Variants in CEP295NL observed in about 807,000 individuals in gnomAD.
The protein encoded by CEP295NL is CEP295 N-terminal like.
CEP295NL carries 3 observed loss-of-function variants against 4.6 expected under a neutral mutation model. The observed-to-expected ratio is 0.65, with a 90% CI of 0.30 to 1.69. CEP295NL has a LOEUF of 1.69. CEP295NL is among the 40% of genes most tolerant of loss of function. CEP295NL has a pLI of 0.10. For missense variants in CEP295NL, 719 were observed against 769.0 expected, an observed-to-expected ratio of 0.93 and a Z score of 0.77; for synonymous variants, 295 against 312.2, an observed-to-expected ratio of 0.94 and a Z score of 0.58.
chr17:78,899,615 C>T (rs1321019079), intron 2 of CEP295NL: 1 of 152,254 alleles, frequency 6.6e-6, no homozygotes, highest in Non-Finnish European at 1.5e-5. Context: ...GCCCTGGCTC[C>T]CCTGGGAGCC....
At chr17:78,903,014 T>C (rs1332950359) in intron 1 of CEP295NL, 120 bp downstream of exon 1, 1 of 152,344 alleles carries the variant, frequency 6.6e-6, no homozygotes, top group African/African-American at 2.4e-5. Flanking sequence ...TGGCCCACTC[T>C]CCGGGGCCCT....
At chr17:78,894,202 G>C (rs1368153570) in intron 2 of CEP295NL, among the ~76,000 whole-genome samples, 1 of 145,968 alleles carries the variant, frequency 6.9e-6, no homozygotes, top group Non-Finnish European at 1.5e-5. Flanking sequence ...TACCCCCCCC[G>C]GTTCACAGAC....
rs556240534 is a variant in CEP295NL at position 78,892,452 on chromosome 17, C to T, written c.52G>A (p.Val18Met). 5.8e-6 allele frequency: 9 copies of T among 1,547,674 alleles called. No individual in the cohort carries two copies. The South Asian group carries it at 9.5e-5, about 16-fold the overall frequency. ...GAGCCACAGAAGCCACAACGTTCCA[C>T]AGCAAACCTACGAGGAAGGGAGCAC... ...SVIWRHTQFAVERCGFCGSSG... is the reference protein window; with the variant it reads ...SVIWRHTQFAMERCGFCGSSG... Residue 18 changes from valine (V) to methionine (M), a missense_variant, in exon 3 of 3, where the codon GTG (valine) becomes ATG (methionine). Val to Met is a conservative substitution (Grantham distance 21). Coordinates refer to ENST00000322630, the MANE Select transcript of CEP295NL (RefSeq NM_001243540.2).
chr17:78,892,542 T>A, intron 2 of CEP295NL, 83 bp from the exon 3 acceptor site: 17 of 1,467,812 alleles, frequency 1.2e-5, no homozygotes, highest in Non-Finnish European at 1.5e-5. Flanking sequence ...CACACGGGAT[T>A]CTCACTGTGA....
intron 2 of CEP295NL, among the ~76,000 whole-genome samples, chr17:78,901,503 C>G (rs2145784724): frequency 6.6e-6 from 1 of 152,158 alleles, no homozygotes; most frequent in African/African-American, 2.4e-5. Context: ...GGAGAATGAA[C>G]TCCTTTGGTC....
rs1201207181 is a variant in CEP295NL, at chr17:78,892,575, CT to C, written c.45-117del. On this transcript the variant is annotated intron_variant, in intron 2 of 2. Coordinates refer to ENST00000322630, the MANE Select transcript of CEP295NL (RefSeq NM_001243540.2). ...TGAGGACAGGCTGCAAAATGTGCCC[CT>C]CCAAGCTCTCTTGACCCGTGCCCAC... 16 of 1,438,182 alleles carry C rather than the reference CT, an allele frequency of 1.1e-5. No homozygotes were observed. In the Middle Eastern group the frequency reaches 7.7e-4, roughly 69 times the overall value. 89.1% of individuals were successfully genotyped at this position (1,438,182 alleles called of 1,614,324 possible).
intron 1 of CEP295NL, chr17:78,902,701 C>T (rs1026982993): frequency 3.3e-5 from 5 of 152,328 alleles, no homozygotes; most frequent in Non-Finnish European, 5.9e-5. Context: ...CAGCTCCCCA[C>T]GTGGGGGGCT....
Position 78,893,477 on chromosome 17 carries a change from G to C in CEP295NL, c.45-1018C>G, listed in dbSNP as rs1220621092. Among the ~76,000 whole-genome samples, 277 of 148,498 alleles carry C rather than the reference G, an allele frequency of 1.9e-3. 3 individuals are homozygous for C. The highest frequency in any genetic ancestry group is 6.6e-3 in the African/African-American group (263 of 40,002). ...TGTGCAGGGGTGTGTGTGCATAGCG[G>C]TGTGTGTGCAGGGGTGTGTGCGCGC... On this transcript the variant is annotated intron_variant, in intron 2 of 2. Transcript: ENST00000322630.
rs1054235923 is a variant in CEP295NL, at chr17:78,901,870, C to T, written c.-42G>A. The T allele has an allele frequency of 2.5e-5, 17 of 681,286 alleles. No individual in the cohort carries two copies. The highest frequency in any genetic ancestry group is 2.0e-4 in the African/African-American group (11 of 55,856). The allele number at this position is 681,286 out of a possible 1,614,324, so 42.2% of individuals were successfully genotyped here. The stretch of plus-strand genomic sequence containing the variant: ...CTGACAGGAGGGCAGGAAGCACTGT[C>T]TCCAGGGCTGTCTTGAAATCACTGG... On this transcript the variant is annotated 5_prime_UTR_variant, in exon 2 of 3. Transcript: ENST00000322630.
rs4789936 is a variant in CEP295NL, at chr17:78,901,892, C to T, written c.-64G>A. On this transcript the variant is annotated 5_prime_UTR_variant, in exon 2 of 3. The change creates a new upstream start codon in the 5' untranslated region. Transcript: ENST00000322630. ...TGTCTCCAGGGCTGTCTTGAAATCA[C>T]TGGGCTGACTTTGTAGGTAGTGAGA... The T allele has an allele frequency of 0.49, 314,716 of 644,730 alleles. 78,705 individuals are homozygous for T. The highest frequency in any genetic ancestry group is 0.61 in the Middle Eastern group (2,403 of 3,934). The allele number at this position is 644,730 out of a possible 1,614,324, so 39.9% of individuals were successfully genotyped here.
chr17:78,891,660 C>T lies in CEP295NL; in HGVS notation c.844G>A (p.Gly282Arg), dbSNP rs1014469161. Residue 282 changes from glycine to arginine, a missense_variant, in exon 3 of 3, where the codon GGA becomes AGA. Transcript: ENST00000322630. This position sits in a 1 kb window ranked among gnomAD's most constrained non-coding sequence, Gnocchi z 4.5. ...GGAACAAAGCAAACTGCCCCCTTTC[C>T]CAGTTGCCTCCTCCCCGCCCGAGCT... ...GTARAGRRQL[G>R]KGAVCFVPAL... The T allele has an allele frequency of 6.4e-7, 1 of 1,551,036 alleles. No homozygotes were observed. Among genetic ancestry groups the T allele is most frequent in the Non-Finnish European group, 8.7e-7 (1 of 1,147,108 alleles).
rs745875138 is a variant in CEP295NL at position 78,891,327 on chromosome 17, T to C, written c.1177A>G (p.Lys393Glu). The change falls in exon 3 of 3, where the codon AAG becomes GAG. Residue 393 changes from lysine (K) to glutamate (E), a missense_variant. Lys to Glu is a moderately conservative substitution (Grantham distance 56, BLOSUM62 1). Coordinates refer to ENST00000322630, the MANE Select transcript of CEP295NL (RefSeq NM_001243540.2). This position sits in a 1 kb window ranked among gnomAD's most constrained non-coding sequence, Gnocchi z 4.5. ...QECGAGTPRG[K>E]KMADPEMLPA... Reference sequence around the variant, plus strand: ...AGCATCTCTGGGTCTGCCATTTTCTTCCCTCTTGGGGTCCCAGCGCCACAC... The same window carrying C: ...AGCATCTCTGGGTCTGCCATTTTCTCCCCTCTTGGGGTCCCAGCGCCACAC... 2.8e-5 allele frequency: 43 copies of C among 1,550,214 alleles called. 1 individual carries two copies. In the South Asian group the frequency reaches 4.9e-4, roughly 18 times the overall value.
At position 78,890,716 on chromosome 17, in the gene CEP295NL, G is replaced by C; in HGVS notation, c.1788C>G (p.Ile596Met). Residue 596 changes from isoleucine (I) to methionine (M), a missense_variant, in exon 3 of 3, where the codon ATC becomes ATG. Physicochemically the swap from Ile to Met is conservative, Grantham distance 10. Coordinates refer to ENST00000322630, the MANE Select transcript of CEP295NL (RefSeq NM_001243540.2). ...SQMIRDQQQQ[I>M]LQQNRLHKQF... ...GCTTGTGCAACCTGTTTTGCTGTAA[G>C]ATCTGCTGCTGCTGGTCTCGGATCA... 6.4e-7 allele frequency: 1 copy of C among 1,550,646 alleles called. No individual in the cohort carries two copies. Among genetic ancestry groups the C allele is most frequent in the South Asian group, 1.2e-5 (1 of 84,056 alleles).
chr17:78,893,419 G>A (rs1224084151), intron 2 of CEP295NL, among the ~76,000 whole-genome samples: 1 of 123,896 alleles, frequency 8.1e-6, no homozygotes, highest in South Asian at 2.6e-4. Context: ...GTGCATAGGG[G>A]TGTGTGTGCA....
In CEP295NL at chr17:78,896,193, C is replaced by A. The variant is rs1417704972; in HGVS notation, c.45-3734G>T. 6.6e-6 allele frequency among the ~76,000 whole-genome samples: 1 copy of A among 152,214 alleles called. No homozygotes were observed. Among genetic ancestry groups the A allele is most frequent in the African/African-American group, 2.4e-5 (1 of 41,468 alleles). On this transcript the variant is annotated intron_variant, in intron 2 of 2. Transcript: ENST00000322630. This position sits in a 1 kb window ranked among gnomAD's most constrained non-coding sequence, Gnocchi z 4.4. ...TTGCTCTCCCCTCTGAGACCCTCCC[C>A]ACTTACTAACTTGAGGCAGAGGGCA...
intron 2 of CEP295NL, among the ~76,000 whole-genome samples, chr17:78,893,286 CAAGGGTGTGTGTGCAGGGGT>C (rs2069939267): frequency 2.0e-5 from 2 of 102,224 alleles, no homozygotes; most frequent in African/African-American, 8.6e-5. Flanking sequence ...GGTGTGCGGG[CAAGGGTGTGTGTGCAGGGGT>C]GTATGTGCAA....
intron 2 of CEP295NL, among the ~76,000 whole-genome samples, chr17:78,893,248 AGTGTGTGTGCAGGG>A (rs1568001072): frequency 3.2e-5 from 2 of 63,286 alleles, no homozygotes; most frequent in East Asian, 4.5e-4. Flanking sequence ...TGTGTGTAGG[AGTGTGTGTGCAGGG>A]GTGTGTGTGT....
At chr17:78,893,145 A>G (rs1030143961) in intron 2 of CEP295NL, among the ~76,000 whole-genome samples, 8 of 115,258 alleles carry the variant, frequency 6.9e-5, no homozygotes, top group Non-Finnish European at 1.3e-4. Flanking sequence ...GTGTGTGCGT[A>G]CATGTGTGTG....
intron 2 of CEP295NL, chr17:78,897,174 G>T: frequency 5.3e-6 from 1 of 189,988 alleles, no homozygotes. Flanking sequence ...GGCATCGGGG[G>T]GCGGGGGGCA....
Sources: gnomAD v4.1 joint callset for allele counts (sites outside exome capture counted in the v4.1 genomes callset) on GRCh38, gnomAD v4.1.1 for gene constraint, Gnocchi (gnomAD v3.1) non-coding constraint, MANE v1.5 for transcripts, NCBI Gene and HGNC (gene_info 2026-07-23, HGNC 2026-07-21) for gene names.